Variants in SIGLEC15 observed in about 807,000 individuals in gnomAD.
SIGLEC15 encodes the protein sialic acid binding Ig like lectin 15, also known as sialic acid-binding Ig-like lectin 15.
Under a neutral mutation model 26.2 loss-of-function variants are expected in SIGLEC15, and 31 were observed. The observed-to-expected ratio is 1.18, with a 90% CI of 0.89 to 1.60. The LOEUF is 1.60. SIGLEC15 is among the 40% of genes most tolerant of loss of function. The probability of loss-of-function intolerance (pLI) is 0.00; values close to 1 mark genes in which losing one functional copy is unlikely to be tolerated. For missense variants in SIGLEC15, 501 were observed against 488.4 expected, an observed-to-expected ratio of 1.03 and a Z score of -0.24; for synonymous variants, 207 against 221.9, an observed-to-expected ratio of 0.93 and a Z score of 0.60.
rs2048338430 is a variant in SIGLEC15, at chr18:45,843,054, A to T, written c.*867A>T. ...CTGCCCTGCATTGCCTTGAGCTGGG[A>T]CCCCTAGGAAATGGAAACCAGGCTC... On this transcript the variant is annotated 3_prime_UTR_variant, in exon 6 of 6. Coordinates refer to ENST00000389474, the MANE Select transcript of SIGLEC15 (RefSeq NM_213602.3). 6.6e-6 allele frequency: 1 copy of T among 152,094 alleles called. No homozygotes were observed. Among genetic ancestry groups the T allele is most frequent in the Non-Finnish European group, 1.5e-5 (1 of 68,054 alleles). The allele number at this position is 152,094 out of a possible 1,614,324, so 9.4% of individuals were successfully genotyped here.
rs769697203 is a variant in SIGLEC15 at position 45,838,869 on chromosome 18, G to A, written c.648G>A (p.Glu216=). ...TGGCAGCCGTGCGGAGCCCGCGTGA[G>A]GGTCACGGCCACCTAGTGACCGCCG... The part of the protein sequence containing the change: ...NSLAAVRSPR[E]GHGHLVTAEL... Residue 216 remains glutamate (E), a synonymous_variant, in exon 4 of 6, where the codon GAG becomes GAA. Coordinates refer to ENST00000389474, the MANE Select transcript of SIGLEC15 (RefSeq NM_213602.3). 1.4e-5 allele frequency: 23 copies of A among 1,586,870 alleles called. No homozygotes were observed. The East Asian group carries it at 5.2e-4, about 36-fold the overall frequency.
chr18:45,830,924 ATGTGCTTTCT>A (rs1279136803), intron 1 of SIGLEC15, among the ~76,000 whole-genome samples: 2 of 152,182 alleles, frequency 1.3e-5, no homozygotes, highest in East Asian at 3.9e-4. Context: ...AAAATGCTTT[ATGTGCTTTCT>A]TGTCATTTTT....
In SIGLEC15 at chr18:45,837,517, G is replaced by A; in HGVS notation, c.117G>A (p.Ser39=). 2 of 1,495,850 alleles carry A rather than the reference G, an allele frequency of 1.3e-6. No homozygotes were observed. The highest frequency in any genetic ancestry group is 8.8e-7 in the Non-Finnish European group (1 of 1,131,646). 92.7% of individuals were successfully genotyped at this position (1,495,850 alleles called of 1,614,324 possible). A position where few individuals can be genotyped will look rare whatever the true frequency, so the allele number is the denominator to read the frequency against. The change falls in exon 3 of 6, where the codon TCG becomes TCA. Residue 39 remains serine (S), a synonymous_variant. Transcript: ENST00000389474. ...ENLLNTEVHS[S]PAQRWSMQVP... is the part of the protein sequence containing the mutation. The stretch of plus-strand genomic sequence containing the variant: ...CGCAGCCCGCCCCGCCCTCAGGCTC[G>A]CCAGCGCAGCGCTGGTCCATGCAGG...
intron 3 of SIGLEC15, 77 bp downstream of exon 3, chr18:45,837,973 G>A (rs2048290644): frequency 4.3e-6 from 6 of 1,397,980 alleles, no homozygotes; most frequent in Non-Finnish European, 5.5e-6. Context: ...CTACGTGGGT[G>A]CCAGGCGCTG....
Position 45,837,550 on chromosome 18 carries a change from C to T in SIGLEC15, c.150C>T (p.Pro50=). The T allele has an allele frequency of 6.6e-7, 1 of 1,517,352 alleles. No individual in the cohort carries two copies. Among genetic ancestry groups the T allele is most frequent in the South Asian group, 1.2e-5 (1 of 82,854 alleles). The allele number at this position is 1,517,352 out of a possible 1,614,324, so 94.0% of individuals were successfully genotyped here. A position where few individuals can be genotyped will look rare whatever the true frequency, so the allele number is the denominator to read the frequency against. Residue 50 remains proline (P), a synonymous_variant, in exon 3 of 6, where the codon CCC becomes CCT. Coordinates refer to ENST00000389474, the MANE Select transcript of SIGLEC15 (RefSeq NM_213602.3). ...AGCGCTGGTCCATGCAGGTGCCACC[C>T]GAGGTGAGCGCGGAGGCAGGCGACG... ...PAQRWSMQVP[P]EVSAEAGDAA...
At chr18:45,838,473 T>A (rs940595579) in intron 3 of SIGLEC15, 2 of 560,660 alleles carry the variant, frequency 3.6e-6, no homozygotes, top group African/African-American at 4.0e-5. Context: ...AGCATGAATT[T>A]GCCAAATCTT....
chr18:45,835,743 C>T (rs191431786), intron 1 of SIGLEC15, among the ~76,000 whole-genome samples: 43 of 152,272 alleles, frequency 2.8e-4, no homozygotes, highest in East Asian at 1.5e-3. Context: ...GGATTTTTTC[C>T]AGGCACAGCT....
chr18:45,838,813 G>A lies in SIGLEC15; in HGVS notation c.592G>A (p.Ala198Thr). 1.3e-6 allele frequency: 2 copies of A among 1,558,858 alleles called. No individual in the cohort carries two copies. Among genetic ancestry groups the A allele is most frequent in the Non-Finnish European group, 1.7e-6 (2 of 1,158,862 alleles). ...TAEGEPPPAL[A>T]WSGPALGNSL... ...CGAAGGGGAGCCGCCGCCCGCCCTC[G>A]CCTGGTCCGGCCCGGCCCTGGGCAA... is the stretch of plus-strand genomic sequence containing the variant. Residue 198 changes from alanine (A) to threonine (T), a missense_variant, in exon 4 of 6, where the codon GCC becomes ACC. Ala to Thr is a moderately conservative substitution (Grantham distance 58). Coordinates refer to ENST00000389474, the MANE Select transcript of SIGLEC15 (RefSeq NM_213602.3).
chr18:45,837,406 G>A, intron 2 of SIGLEC15, 107 bp from the exon 3 acceptor site: 1 of 1,371,808 alleles, frequency 7.3e-7, no homozygotes, highest in Non-Finnish European at 9.4e-7. Flanking sequence ...GGGGTTTCCA[G>A]GCTAGGGGTT....
At position 45,838,921 on chromosome 18, in the gene SIGLEC15, C is replaced by G. The variant is rs779280228; in HGVS notation, c.700C>G (p.Arg234Gly). The change falls in exon 4 of 6, where the codon CGC (arginine) becomes GGC (glycine). Residue 234 changes from arginine to glycine, a missense_variant. By Grantham distance (125) the Arg-to-Gly change is moderately radical (BLOSUM62 -2). Coordinates refer to ENST00000389474, the MANE Select transcript of SIGLEC15 (RefSeq NM_213602.3). ...AELPALTHDG[R>G]YTCTAANSLG... ...ACTGCCCGCACTGACCCATGACGGC[C>G]GCTACACGTGTACGGCCGCCAACAG... 70 of 1,603,846 alleles carry G rather than the reference C, an allele frequency of 4.4e-5. No individual in the cohort carries two copies. Among genetic ancestry groups the G allele is most frequent in the South Asian group, 1.8e-4 (16 of 90,294 alleles).
At chr18:45,828,337 A>G (rs1599386211) in intron 1 of SIGLEC15, among the ~76,000 whole-genome samples, 1 of 151,970 alleles carries the variant, frequency 6.6e-6, no homozygotes, top group African/African-American at 2.4e-5. Flanking sequence ...CATACTCGAC[A>G]CCCAGTGCCC....
chr18:45,837,212 C>A, intron 2 of SIGLEC15, 124 bp downstream of exon 2: 1 of 1,441,018 alleles, frequency 6.9e-7, no homozygotes. Flanking sequence ...AATATGGGGT[C>A]AAGGGGCCTG....
At position 45,831,655 on chromosome 18, in the gene SIGLEC15, G is replaced by A. The variant is rs146707363; in HGVS notation, c.53-5374G>A. 5.4e-3 allele frequency among the ~76,000 whole-genome samples: 823 copies of A among 152,182 alleles called. 4 individuals are homozygous for A. Among genetic ancestry groups the A allele is most frequent in the Middle Eastern group, 0.021 (6 of 292 alleles). On this transcript the variant is annotated intron_variant, in intron 1 of 5. Coordinates refer to ENST00000389474, the MANE Select transcript of SIGLEC15 (RefSeq NM_213602.3). Reference sequence around the variant, plus strand: ...GAATAAATGAAGAAATTCCAGGTGAGTTAAGGACAAGGATTGGGCAATTAT... The same window carrying A: ...GAATAAATGAAGAAATTCCAGGTGAATTAAGGACAAGGATTGGGCAATTAT...
Position 45,838,817 on chromosome 18 carries a change from G to C in SIGLEC15, c.596G>C (p.Trp199Ser). 5 of 1,560,094 alleles carry C rather than the reference G, an allele frequency of 3.2e-6. No individual in the cohort carries two copies. The highest frequency in any genetic ancestry group is 4.3e-6 in the Non-Finnish European group (5 of 1,159,388). ...AEGEPPPALAWSGPALGNSLA... is the reference protein window; with the variant it reads ...AEGEPPPALASSGPALGNSLA... Reference sequence around the variant, plus strand: ...GGGGAGCCGCCGCCCGCCCTCGCCTGGTCCGGCCCGGCCCTGGGCAACAGC... The same window carrying C: ...GGGGAGCCGCCGCCCGCCCTCGCCTCGTCCGGCCCGGCCCTGGGCAACAGC... The change falls in exon 4 of 6, where the codon TGG (tryptophan) becomes TCG (serine). Residue 199 changes from tryptophan to serine, a missense_variant. By Grantham distance (177) the Trp-to-Ser change is radical. Coordinates refer to ENST00000389474, the MANE Select transcript of SIGLEC15 (RefSeq NM_213602.3).
At chr18:45,826,100 G>A (rs1409579105) in intron 1 of SIGLEC15, among the ~76,000 whole-genome samples, 1 of 152,200 alleles carries the variant, frequency 6.6e-6, no homozygotes, top group East Asian at 1.9e-4. Flanking sequence ...GACATCACAG[G>A]CTCTGAACAA....
intron 1 of SIGLEC15, among the ~76,000 whole-genome samples, chr18:45,831,837 A>C (rs1473721920): frequency 6.6e-6 from 1 of 151,494 alleles, no homozygotes; most frequent in Non-Finnish European, 1.5e-5. Context: ...TCCCGGGTTC[A>C]AGCGGTTCTC....
At chr18:45,831,818 G>T (rs574333626) in intron 1 of SIGLEC15, among the ~76,000 whole-genome samples, 1 of 151,496 alleles carries the variant, frequency 6.6e-6, no homozygotes, top group South Asian at 2.1e-4. Flanking sequence ...GCTCACTGCA[G>T]CCTCCGCCTC....
At chr18:45,833,390 C>T (rs2048250238) in intron 1 of SIGLEC15, among the ~76,000 whole-genome samples, 1 of 152,170 alleles carries the variant, frequency 6.6e-6, no homozygotes, top group African/African-American at 2.4e-5. Flanking sequence ...AGTCTCAGCT[C>T]ACTGCAACCT....
intron 1 of SIGLEC15, chr18:45,829,210 G>A: frequency 1.1e-6 from 1 of 949,920 alleles, no homozygotes; most frequent in Non-Finnish European, 1.3e-6. Flanking sequence ...CCACGCCACA[G>A]TCAGCCTGCG....
Sources: gnomAD v4.1 joint callset for allele counts (sites outside exome capture counted in the v4.1 genomes callset) on GRCh38, gnomAD v4.1.1 for gene constraint, MANE v1.5 for transcripts, NCBI Gene and HGNC (gene_info 2026-07-23, HGNC 2026-07-21) for gene names.